Variants in GAS7 observed in about 807,000 individuals in gnomAD.
GAS7 encodes the protein growth arrest-specific protein 7.
A neutral mutation model predicts 71.1 loss-of-function variants in GAS7; 28 were observed. That is an observed-to-expected ratio of 0.39 (90% CI 0.29 to 0.54). The LOEUF (loss-of-function observed/expected upper bound fraction) is 0.54. Ranked by LOEUF, GAS7 falls within the 20% of genes least tolerant of loss-of-function variation. The pLI is 0.62. For missense variants in GAS7, 436 were observed against 627.8 expected (o/e 0.69, Z 3.27); for synonymous variants, 258 against 245.8 (o/e 1.05, Z -0.46).
At chr17:9,991,628 C>G (rs1016027401) in intron 2 of GAS7, among the ~76,000 whole-genome samples, 1 of 152,040 alleles carries the variant, frequency 6.6e-6, no homozygotes, top group Non-Finnish European at 1.5e-5. Context: ...CTGGAGCTGT[C>G]CAAGCCTGTC....
intron 2 of GAS7, among the ~76,000 whole-genome samples, chr17:9,984,781 G>A (rs2070572096): frequency 6.6e-6 from 1 of 152,218 alleles, no homozygotes; most frequent in African/African-American, 2.4e-5. Context: ...TCGGGCACAT[G>A]GTATGTGCTT....
chr17:10,178,733 T>G (rs1192695638), intron 1 of GAS7, among the ~76,000 whole-genome samples: 4 of 124,904 alleles, frequency 3.2e-5, no homozygotes, highest in Non-Finnish European at 6.8e-5. Context: ...TTTTTTTTTT[T>G]GCTGATGAGC....
At chr17:10,099,450 G>A (rs1233815371) in intron 1 of GAS7, among the ~76,000 whole-genome samples, 1 of 152,212 alleles carries the variant, frequency 6.6e-6, no homozygotes, top group Non-Finnish European at 1.5e-5. Flanking sequence ...ATGCTGTTAA[G>A]TGATCCGAGA....
chr17:10,132,017 G>A (rs796717324), intron 1 of GAS7, among the ~76,000 whole-genome samples: 22 of 152,194 alleles, frequency 1.4e-4, no homozygotes, highest in African/African-American at 4.6e-4. Context: ...GCATGAAAAC[G>A]TACTCATGAA....
intron 1 of GAS7, among the ~76,000 whole-genome samples, chr17:10,145,792 C>T (rs2074116776): frequency 6.6e-6 from 1 of 152,186 alleles, no homozygotes; most frequent in Admixed American, 6.5e-5. Context: ...TTCTAAGACC[C>T]CCCCAGAAAT....
At chr17:9,977,852 A>G (rs543108973) in intron 3 of GAS7, among the ~76,000 whole-genome samples, 88 of 152,298 alleles carry the variant, frequency 5.8e-4, no homozygotes, top group African/African-American at 2.1e-3. Flanking sequence ...ACCTGCACTA[A>G]TAAGAATGAA....
chr17:10,023,228 C>T (rs1485534067), intron 1 of GAS7, among the ~76,000 whole-genome samples: 1 of 152,214 alleles, frequency 6.6e-6, no homozygotes, highest in Non-Finnish European at 1.5e-5. Flanking sequence ...CAGGGCCGCA[C>T]TCTGCCTCCA....
At chr17:10,062,551 A>G (rs150824182) in intron 1 of GAS7, among the ~76,000 whole-genome samples, 1 of 152,228 alleles carries the variant, frequency 6.6e-6, no homozygotes, top group African/African-American at 2.4e-5. Context: ...TGATCTTCCA[A>G]TGATTCTCCA....
rs190691635 is a variant in GAS7 at position 10,059,760 on chromosome 17, C to T, written c.184-39863G>A. 4,570 of 985,002 alleles carry T rather than the reference C, an allele frequency of 4.6e-3. 25 individuals are homozygous for T. The highest frequency in any genetic ancestry group is 0.013 in the South Asian group (269 of 21,278). The allele number at this position is 985,002 out of a possible 1,614,324, so 61.0% of individuals were successfully genotyped here. On this transcript the variant is annotated intron_variant, in intron 1 of 13. Coordinates refer to ENST00000432992, the MANE Select transcript of GAS7 (RefSeq NM_201433.2). ...CATTTTCTGCCACCATCCCCACATC[C>T]GCTGCTTCCCCGTGGCATCGGCTAA...
intron 1 of GAS7, among the ~76,000 whole-genome samples, chr17:10,093,007 A>G (rs547154093): frequency 6.6e-6 from 1 of 152,346 alleles, no homozygotes; most frequent in South Asian, 2.1e-4. Context: ...GTAAGTTCAC[A>G]GACTCTAAGG....
rs185476834 is a variant in GAS7 at position 9,955,271 on chromosome 17, C to A, written c.525+3931G>T. Among the ~76,000 whole-genome samples, 824 of 152,286 alleles carry A rather than the reference C, an allele frequency of 5.4e-3. 7 individuals carry two copies. Among genetic ancestry groups the A allele is most frequent in the African/African-American group, 0.018 (761 of 41,560 alleles). On this transcript the variant is annotated intron_variant, in intron 5 of 13. Transcript: ENST00000432992. ...TCCGCATGTGGATTCCTGTCCTCCC[C>A]CCGGTTACATTTTCCTGATGGTTAA... is the stretch of plus-strand genomic sequence containing the variant.
intron 11 of GAS7, among the ~76,000 whole-genome samples, chr17:9,923,746 A>G (rs2067902452): frequency 6.6e-6 from 1 of 152,244 alleles, no homozygotes; most frequent in Non-Finnish European, 1.5e-5. Flanking sequence ...CAAGACGAAT[A>G]ATACCCTTTG....
chr17:10,126,771 A>G (rs572837966), intron 1 of GAS7, among the ~76,000 whole-genome samples: 1 of 152,358 alleles, frequency 6.6e-6, no homozygotes, highest in Non-Finnish European at 1.5e-5. Context: ...CACGGGGAAG[A>G]GACTATGCTC....
chr17:10,090,204 G>A (rs1010668136), intron 1 of GAS7, among the ~76,000 whole-genome samples: 2 of 151,800 alleles, frequency 1.3e-5, no homozygotes, highest in African/African-American at 4.8e-5. Flanking sequence ...GGAAAGGGGA[G>A]GAGTGAGGTG....
At chr17:10,001,764 AAATT>A (rs1202399648) in intron 2 of GAS7, among the ~76,000 whole-genome samples, 1 of 152,204 alleles carries the variant, frequency 6.6e-6, no homozygotes, top group Non-Finnish European at 1.5e-5. Flanking sequence ...AAGTATTTGG[AAATT>A]AATTGTTTTT....
chr17:10,069,761 T>C (rs9303250), intron 1 of GAS7, among the ~76,000 whole-genome samples: 12,729 of 152,252 alleles, frequency 0.084, 1,790 homozygotes, highest in African/African-American at 0.29. Context: ...CTAATATTTT[T>C]AGTTGACTCA....
chr17:9,965,989 C>T (rs1299292095), intron 4 of GAS7, among the ~76,000 whole-genome samples: 1 of 150,642 alleles, frequency 6.6e-6, no homozygotes, highest in Non-Finnish European at 1.5e-5. Flanking sequence ...CACCCACCCC[C>T]CAAAATTCTT....
intron 2 of GAS7, among the ~76,000 whole-genome samples, chr17:10,010,274 C>T (rs563770677): frequency 9.6e-4 from 146 of 152,122 alleles, no homozygotes; most frequent in Non-Finnish European, 1.6e-3. Flanking sequence ...CTCAGCCTCC[C>T]GAGTAGCTGG....
chr17:10,106,606 CTT>C (rs1034322432), intron 1 of GAS7, among the ~76,000 whole-genome samples: 6 of 152,202 alleles, frequency 3.9e-5, no homozygotes, highest in African/African-American at 1.4e-4. Flanking sequence ...CTCAACCTCT[CTT>C]CATCCTCGCT....
Sources: allele counts gnomAD v4.1 joint callset (sites outside exome capture counted in the v4.1 genomes callset), GRCh38; gene constraint gnomAD v4.1.1; transcripts MANE v1.5; gene names NCBI Gene and HGNC (gene_info 2026-07-23, HGNC 2026-07-21).